The following SLC10A7 variants were observed in gnomAD, a reference collection of about 807,000 sequenced individuals.
SLC10A7 encodes the protein sodium/bile acid cotransporter 7.
In SLC10A7, 29 loss-of-function variants were observed where a neutral mutation model predicts 43.2. The observed-to-expected ratio is 0.67, with a 90% CI of 0.50 to 0.92. The LOEUF is 0.92. Ranked by LOEUF, SLC10A7 falls within the 40% of genes least tolerant of loss-of-function variation. The pLI is 0.00. For synonymous variants in SLC10A7, 152 were observed against 144.8 expected (o/e 1.05, Z -0.35); for missense variants, 295 against 403.2 (o/e 0.73, Z 2.30).
chr4:146,509,572 C>A (rs1228923537), intron 3 of SLC10A7, among the ~76,000 whole-genome samples: 3 of 152,156 alleles, frequency 2.0e-5, no homozygotes, highest in African/African-American at 7.2e-5. Context: ...ACACATTATA[C>A]TCAGCTATTA....
chr4:146,483,696 A>C (rs1422435586), intron 4 of SLC10A7, among the ~76,000 whole-genome samples: 3 of 152,116 alleles, frequency 2.0e-5, no homozygotes, highest in Non-Finnish European at 4.4e-5. Flanking sequence ...TTAAAAAAAA[A>C]CCCAGATCCA....
At chr4:146,439,283 G>C (rs1730430282) in intron 5 of SLC10A7, among the ~76,000 whole-genome samples, 1 of 151,878 alleles carries the variant, frequency 6.6e-6, no homozygotes, top group Non-Finnish European at 1.5e-5. Context: ...AATTAGACCT[G>C]GGACATTATT....
chr4:146,457,360 G>A (rs1182204986), intron 4 of SLC10A7, among the ~76,000 whole-genome samples: 6 of 151,842 alleles, frequency 4.0e-5, no homozygotes, highest in Middle Eastern at 3.2e-3. Context: ...ATCTCCTCAA[G>A]CATCCATCCC....
intron 7 of SLC10A7, among the ~76,000 whole-genome samples, chr4:146,299,601 T>C (rs1330826166): frequency 6.6e-6 from 1 of 152,140 alleles, no homozygotes; most frequent in Non-Finnish European, 1.5e-5. Flanking sequence ...GGAACAAGAC[T>C]GGCATGTTTG....
At chr4:146,338,902 A>G (rs1734069787) in intron 5 of SLC10A7, among the ~76,000 whole-genome samples, 1 of 152,024 alleles carries the variant, frequency 6.6e-6, no homozygotes, top group Non-Finnish European at 1.5e-5. Flanking sequence ...ATCTTGAAAT[A>G]GGCACTTTCA....
At chr4:146,359,490 A>G (rs548592933) in intron 5 of SLC10A7, among the ~76,000 whole-genome samples, 1 of 152,202 alleles carries the variant, frequency 6.6e-6, no homozygotes, top group East Asian at 1.9e-4. Context: ...ATTACCTGAA[A>G]ATGACTGGAA....
chr4:146,312,928 G>A lies in SLC10A7; in HGVS notation c.472-6919C>T, dbSNP rs140501862. 5.9e-5 allele frequency among the ~76,000 whole-genome samples: 9 copies of A among 152,256 alleles called. No individual in the cohort carries two copies. In the East Asian group the frequency reaches 1.7e-3, roughly 29 times the overall value. ...AAGCTATGAAGAATTGAGCTTCCAG[G>A]CCATGAAGGGCTGGAGGCAGAGATA... On this transcript the variant is annotated intron_variant, in intron 6 of 11. Coordinates refer to ENST00000335472, the MANE Select transcript of SLC10A7 (RefSeq NM_001029998.6).
chr4:146,467,553 T>C (rs1221091526), intron 4 of SLC10A7, among the ~76,000 whole-genome samples: 2 of 132,660 alleles, frequency 1.5e-5, no homozygotes, highest in Non-Finnish European at 3.1e-5. Context: ...TTTTCTTTTT[T>C]CTTTCTCTCT....
At chr4:146,375,994 G>A (rs1319708575) in intron 5 of SLC10A7, among the ~76,000 whole-genome samples, 1 of 152,158 alleles carries the variant, frequency 6.6e-6, no homozygotes, top group East Asian at 1.9e-4. Context: ...ATTAATTTGT[G>A]AGAGCAGCTT....
intron 6 of SLC10A7, among the ~76,000 whole-genome samples, chr4:146,311,850 CAGA>C (rs1314688253): frequency 7.2e-5 from 11 of 152,086 alleles, no homozygotes; most frequent in Non-Finnish European, 1.5e-5. Context: ...AACATTTAAA[CAGA>C]AGAAGGAAGA....
At chr4:146,484,078 G>A (rs80004574) in intron 4 of SLC10A7, among the ~76,000 whole-genome samples, 1 of 152,180 alleles carries the variant, frequency 6.6e-6, no homozygotes, top group Non-Finnish European at 1.5e-5. Flanking sequence ...CAGGCCAGGT[G>A]CAGTGGCTCA....
At chr4:146,413,929 T>C (rs1375769639) in intron 5 of SLC10A7, among the ~76,000 whole-genome samples, 3 of 152,122 alleles carry the variant, frequency 2.0e-5, no homozygotes, top group Non-Finnish European at 4.4e-5. Context: ...ATCCTGACCA[T>C]GAAGAAAGAG....
In SLC10A7 at chr4:146,255,623, G is replaced by A. The variant is rs1208002042; in HGVS notation, c.*868C>T. On this transcript the variant is annotated 3_prime_UTR_variant, in exon 12 of 12. Transcript: ENST00000335472. ...GCGTAATAGGAAAAAAATTTGGTCT[G>A]GGTTGTGGAATGTGAATAGAATCTA... 1.3e-5 allele frequency: 2 copies of A among 152,226 alleles called. No individual in the cohort carries two copies. The highest frequency in any genetic ancestry group is 2.9e-5 in the Non-Finnish European group (2 of 68,030). 9.4% of individuals were successfully genotyped at this position (152,226 alleles called of 1,614,324 possible). A position where few individuals can be genotyped will look rare whatever the true frequency, so the allele number is the denominator to read the frequency against.
intron 6 of SLC10A7, among the ~76,000 whole-genome samples, chr4:146,307,294 A>T (rs1020940696): frequency 1.3e-5 from 2 of 152,198 alleles, no homozygotes; most frequent in Non-Finnish European, 2.9e-5. Flanking sequence ...TATTTAACCC[A>T]TAAAAATTGG....
chr4:146,484,749 A>T (rs1441498898), intron 4 of SLC10A7, among the ~76,000 whole-genome samples: 1 of 152,222 alleles, frequency 6.6e-6, no homozygotes, highest in African/African-American at 2.4e-5. Flanking sequence ...TATTACTGGT[A>T]TCAGATTAGC....
intron 5 of SLC10A7, among the ~76,000 whole-genome samples, chr4:146,373,787 T>C (rs1736964731): frequency 6.6e-6 from 1 of 152,206 alleles, no homozygotes. Context: ...TGAATGATTT[T>C]TTTTAAACCA....
At chr4:146,264,450 A>G (rs564378162) in intron 10 of SLC10A7, among the ~76,000 whole-genome samples, 104 of 152,234 alleles carry the variant, frequency 6.8e-4, no homozygotes, top group African/African-American at 2.4e-3. Context: ...TAGGTGTGCT[A>G]TGTTCCTACC....
At chr4:146,462,930 T>C (rs1172556373) in intron 4 of SLC10A7, among the ~76,000 whole-genome samples, 1 of 152,178 alleles carries the variant, frequency 6.6e-6, no homozygotes, top group East Asian at 1.9e-4. Flanking sequence ...AACATTCTTA[T>C]GTAAGTTCAG....
At chr4:146,335,459 C>T (rs758627850) in intron 5 of SLC10A7, among the ~76,000 whole-genome samples, 1 of 151,904 alleles carries the variant, frequency 6.6e-6, no homozygotes, top group African/African-American at 2.4e-5. Context: ...GCTTAGGGAA[C>T]CTGAATCTTT....
Sources: gnomAD v4.1 joint callset for allele counts (sites outside exome capture counted in the v4.1 genomes callset) on GRCh38, gnomAD v4.1.1 for gene constraint, MANE v1.5 for transcripts, NCBI Gene and HGNC (gene_info 2026-07-23, HGNC 2026-07-21) for gene names.